FHIT: variants seen among roughly 807,000 people sequenced by gnomAD.
FHIT encodes the protein bis(5'-adenosyl)-triphosphatase.
Under a neutral mutation model 17.9 loss-of-function variants are expected in FHIT, and 19 were observed. That is an observed-to-expected ratio of 1.06 (90% confidence interval 0.74 to 1.56). The LOEUF is 1.56. Among genes scored for constraint, FHIT ranks in the 40% most tolerant of loss-of-function variants. The probability of loss-of-function intolerance (pLI) is 0.00; values close to 1 mark genes in which losing one functional copy is unlikely to be tolerated. For synonymous variants in FHIT, 81 were observed against 69.7 expected, an observed-to-expected ratio of 1.16 and a Z score of -0.81; for missense variants, 248 against 189.2, an observed-to-expected ratio of 1.31 and a Z score of -1.82.
intron 5 of FHIT, among the ~76,000 whole-genome samples, chr3:60,110,640 T>C (rs1033983305): frequency 6.6e-6 from 1 of 152,180 alleles, no homozygotes; most frequent in Admixed American, 6.5e-5. Context: ...AAAACAGACA[T>C]ACTAACATGA....
At position 59,875,914 on chromosome 3, in the gene FHIT, A is replaced by G. The variant is rs116867329; in HGVS notation, c.348+46432T>C. ...TTTCCCAAGCACATATGCCCTCAGGATGAGAAACAACTCGTCTGTTTGATA... is the reference window on the plus strand; with the variant it reads ...TTTCCCAAGCACATATGCCCTCAGGGTGAGAAACAACTCGTCTGTTTGATA... On this transcript the variant is annotated intron_variant, in intron 8 of 9. Coordinates refer to ENST00000492590, the MANE Select transcript of FHIT (RefSeq NM_002012.4). 8.6e-5 allele frequency among the ~76,000 whole-genome samples: 13 copies of G among 151,706 alleles called. No individual in the cohort carries two copies. The East Asian group carries it at 1.9e-3, about 23-fold the overall frequency.
chr3:60,085,982 A>G (rs1168114773), intron 5 of FHIT, among the ~76,000 whole-genome samples: 1 of 152,180 alleles, frequency 6.6e-6, no homozygotes, highest in Non-Finnish European at 1.5e-5. Flanking sequence ...TATAATTTAT[A>G]AAGAAAAGAG....
chr3:61,200,261 T>C (rs1041781904), intron 2 of FHIT, among the ~76,000 whole-genome samples: 1 of 152,220 alleles, frequency 6.6e-6, no homozygotes. Context: ...AAATGCTTTA[T>C]TTGGCCAGCT....
chr3:60,038,758 A>G (rs879878889), intron 5 of FHIT, among the ~76,000 whole-genome samples: 16 of 152,212 alleles, frequency 1.1e-4, no homozygotes, highest in Admixed American at 7.9e-4. Flanking sequence ...TGAAAAGAAA[A>G]TTAACATTCA....
chr3:60,156,505 T>G (rs60380152), intron 5 of FHIT, among the ~76,000 whole-genome samples: 22,091 of 152,130 alleles, frequency 0.15, 2,298 homozygotes, highest in African/African-American at 0.28. Context: ...TCCCAGCACT[T>G]TGGGAGGCCA....
chr3:60,179,988 T>A (rs1701852900), intron 5 of FHIT, among the ~76,000 whole-genome samples: 1 of 152,134 alleles, frequency 6.6e-6, no homozygotes, highest in Admixed American at 6.5e-5. Flanking sequence ...TTGGAGGCAA[T>A]CCTCCACGGG....
rs192674568 is a variant in FHIT at position 60,996,569 on chromosome 3, C to T, written c.-111+45478G>A. Among the ~76,000 whole-genome samples, 456 of 152,218 alleles carry T rather than the reference C, an allele frequency of 3.0e-3. 4 individuals carry two copies. The highest frequency in any genetic ancestry group is 0.011 in the African/African-American group (441 of 41,534). On this transcript the variant is annotated intron_variant, in intron 3 of 9. Transcript: ENST00000492590. ...GTAACAAGCTTTGGTCATGAAAAAT[C>T]GTAATGTCCATAATACAGTAGATGC... is the stretch of plus-strand genomic sequence containing the variant.
At chr3:61,160,230 C>T (rs2037648567) in intron 2 of FHIT, among the ~76,000 whole-genome samples, 3 of 142,472 alleles carry the variant, frequency 2.1e-5, no homozygotes, top group Admixed American at 7.6e-5. Flanking sequence ...TGGAAGAGAA[C>T]TCAGATATCT....
intron 3 of FHIT, among the ~76,000 whole-genome samples, chr3:60,831,825 CCACT>C (rs1702340313): frequency 1.3e-5 from 2 of 152,200 alleles, no homozygotes; most frequent in East Asian, 3.9e-4. Flanking sequence ...CAACCCTTAA[CCACT>C]CACTCTGCAG....
At chr3:60,989,428 A>C (rs966721847) in intron 3 of FHIT, among the ~76,000 whole-genome samples, 2 of 152,136 alleles carry the variant, frequency 1.3e-5, no homozygotes, top group African/African-American at 2.4e-5. Flanking sequence ...AAGTCTTTTA[A>C]GATATCATAT....
intron 5 of FHIT, among the ~76,000 whole-genome samples, chr3:60,320,783 A>C (rs773347477): frequency 6.6e-6 from 1 of 152,230 alleles, no homozygotes; most frequent in Non-Finnish European, 1.5e-5. Flanking sequence ...AATTAGGGAG[A>C]TATAAATTTG....
chr3:60,952,901 T>G (rs1708951393), intron 3 of FHIT, among the ~76,000 whole-genome samples: 1 of 152,230 alleles, frequency 6.6e-6, no homozygotes, highest in Admixed American at 6.5e-5. Flanking sequence ...TTTTGCCACT[T>G]CTTTGAGTCT....
At chr3:61,188,034 G>A (rs1477288166) in intron 2 of FHIT, among the ~76,000 whole-genome samples, 2 of 152,100 alleles carry the variant, frequency 1.3e-5, no homozygotes, top group African/African-American at 4.8e-5. Context: ...AGAGAAGCAA[G>A]AGCAAACACA....
intron 8 of FHIT, among the ~76,000 whole-genome samples, chr3:59,918,438 A>G (rs1045926092): frequency 1.3e-5 from 2 of 152,316 alleles, no homozygotes; most frequent in Middle Eastern, 3.4e-3. Context: ...ACTATTACAG[A>G]TGAAATCAGA....
At chr3:60,251,723 G>A (rs760791983) in intron 5 of FHIT, among the ~76,000 whole-genome samples, 6 of 152,050 alleles carry the variant, frequency 3.9e-5, no homozygotes, top group Non-Finnish European at 1.5e-5. Context: ...CAGCGTGTGG[G>A]CCACTGCTCA....
At chr3:60,016,194 T>A (rs552845138) in intron 5 of FHIT, among the ~76,000 whole-genome samples, 6 of 152,238 alleles carry the variant, frequency 3.9e-5, no homozygotes, top group Non-Finnish European at 7.3e-5. Context: ...AGTTACTATA[T>A]TGAATTGAAT....
intron 1 of FHIT, among the ~76,000 whole-genome samples, chr3:61,215,889 T>C (rs557548771): frequency 2.6e-5 from 4 of 152,330 alleles, no homozygotes; most frequent in Admixed American, 6.5e-5. Context: ...AAACAAGCAA[T>C]GGGGAAAGGA....
chr3:59,806,998 A>C (rs1700230427), intron 8 of FHIT, among the ~76,000 whole-genome samples: 1 of 152,182 alleles, frequency 6.6e-6, no homozygotes, highest in South Asian at 2.1e-4. Flanking sequence ...ACTTCTGGAG[A>C]TGAGGAAAAC....
At chr3:60,763,913 AGT>A (rs1553720751) in intron 4 of FHIT, among the ~76,000 whole-genome samples, 1 of 152,184 alleles carries the variant, frequency 6.6e-6, no homozygotes, top group African/African-American at 2.4e-5. Flanking sequence ...TTCTGTAAAA[AGT>A]TGTGTTCATT....
Sources: allele counts gnomAD v4.1 joint callset (sites outside exome capture counted in the v4.1 genomes callset), GRCh38; gene constraint gnomAD v4.1.1; transcripts MANE v1.5; gene names NCBI Gene and HGNC (gene_info 2026-07-23, HGNC 2026-07-21).